The following LINGO2 variants were observed in gnomAD, a reference collection of about 807,000 sequenced individuals.
LINGO2 encodes leucine rich repeat and Ig domain containing 2.
LINGO2 carries 14 observed loss-of-function variants against 30.6 expected under a neutral mutation model. The observed-to-expected ratio is 0.46, with a 90% CI of 0.30 to 0.72. LINGO2 has a LOEUF of 0.72. LINGO2 is among the 30% of genes least tolerant of loss of function. The pLI is 0.07. For missense variants in LINGO2, 729 were observed against 751.7 expected, an observed-to-expected ratio of 0.97 and a Z score of 0.35; for synonymous variants, 317 against 288.5, an observed-to-expected ratio of 1.10 and a Z score of -1.00.
At chr9:28,406,308 C>A (rs984576233) in intron 2 of LINGO2, among the ~76,000 whole-genome samples, 1 of 132,624 alleles carries the variant, frequency 7.5e-6, no homozygotes, top group Non-Finnish European at 1.6e-5. Context: ...TGGTGGTGTA[C>A]GCCTGTAGTT....
At chr9:28,053,499 T>C (rs1824773321) in intron 4 of LINGO2, among the ~76,000 whole-genome samples, 1 of 152,118 alleles carries the variant, frequency 6.6e-6, no homozygotes, top group Non-Finnish European at 1.5e-5. Flanking sequence ...AGAAACTGAA[T>C]CTGAAGCCTT....
chr9:29,004,073 A>G, the LINGO2 span, among the ~76,000 whole-genome samples: 147 of 152,112 alleles, frequency 9.7e-4, no homozygotes, highest in African/African-American at 3.3e-3. Context: ...TTCCTCTTCA[A>G]GTACTGCCTA....
chr9:27,992,545 A>G lies in LINGO2; in HGVS notation c.-36+19810T>C, dbSNP rs1381917719. On this transcript the variant is annotated intron_variant, in intron 5 of 5. Coordinates refer to ENST00000379992, the Ensembl canonical transcript of LINGO2. The stretch of plus-strand genomic sequence containing the variant: ...GTTATGTAATGCAGTAAATGTTATA[A>G]TGAAGGCGAGACTAGGATGCTGCGG... Among the ~76,000 whole-genome samples, 9 of 152,262 alleles carry G rather than the reference A, an allele frequency of 5.9e-5. 1 individual carries two copies. In the East Asian group the frequency reaches 1.7e-3, roughly 29 times the overall value.
chr9:29,212,067 G>A, the LINGO2 span, among the ~76,000 whole-genome samples: 2 of 152,134 alleles, frequency 1.3e-5, no homozygotes. Context: ...CGAAAGGAGA[G>A]TGGAGGAGAA....
the LINGO2 span, among the ~76,000 whole-genome samples, chr9:29,125,197 C>T: frequency 6.6e-6 from 1 of 151,910 alleles, no homozygotes; most frequent in African/African-American, 2.4e-5. Context: ...ACTCATAAGT[C>T]GGAGCTGAAC....
chr9:28,752,958 T>C, the LINGO2 span, among the ~76,000 whole-genome samples: 3 of 152,168 alleles, frequency 2.0e-5, no homozygotes, highest in South Asian at 2.1e-4. Context: ...GTGTCTGGCA[T>C]ACAGTAGGTA....
intron 2 of LINGO2, among the ~76,000 whole-genome samples, chr9:28,419,238 A>C (rs371616723): frequency 6.6e-6 from 1 of 152,122 alleles, no homozygotes; most frequent in Non-Finnish European, 1.5e-5. Context: ...TATAAAAGCT[A>C]TTTGATCTTC....
At chr9:29,197,984 T>C in the LINGO2 span, among the ~76,000 whole-genome samples, 5 of 152,148 alleles carry the variant, frequency 3.3e-5, no homozygotes, top group South Asian at 2.1e-4. Flanking sequence ...TAGTACCATA[T>C]TGATTTTAAG....
At chr9:28,483,191 TATTATCATCA>T in intron 1 of LINGO2, among the ~76,000 whole-genome samples, 1 of 152,242 alleles carries the variant, frequency 6.6e-6, no homozygotes, top group East Asian at 1.9e-4. Flanking sequence ...TCCTTAACTC[TATTATCATCA>T]TTTGTCTAGC....
chr9:28,124,926 G>A (rs1190309341), intron 4 of LINGO2, among the ~76,000 whole-genome samples: 1 of 152,198 alleles, frequency 6.6e-6, no homozygotes, highest in Non-Finnish European at 1.5e-5. Flanking sequence ...ATAATGACAT[G>A]TGCCATAAAA....
the LINGO2 span, chr9:27,940,515 C>T: frequency 6.6e-6 from 1 of 152,160 alleles, no homozygotes; most frequent in African/African-American, 2.4e-5. Flanking sequence ...CCACATTAAT[C>T]TTCATGTCCT....
chr9:28,938,737 T>C, the LINGO2 span, among the ~76,000 whole-genome samples: 1 of 152,220 alleles, frequency 6.6e-6, no homozygotes, highest in African/African-American at 2.4e-5. Context: ...TAGGTTTGTG[T>C]AAATCTACTC....
chr9:29,138,663 G>C, the LINGO2 span, among the ~76,000 whole-genome samples: 1 of 152,078 alleles, frequency 6.6e-6, no homozygotes, highest in Non-Finnish European at 1.5e-5. Flanking sequence ...AACTTTCTCA[G>C]GTATGGTACG....
In LINGO2 at chr9:28,064,120, T is replaced by C. The variant is rs570343707; in HGVS notation, c.-86-51715A>G. ...AAAACAAGAGGGAAAGAACTGGTGA[T>C]AACAGGTCAGCCCCCGTTAGCAGCA... On this transcript the variant is annotated intron_variant, in intron 4 of 5. Transcript: ENST00000379992. 2.6e-5 allele frequency among the ~76,000 whole-genome samples: 4 copies of C among 152,242 alleles called. No individual in the cohort carries two copies. In the South Asian group the frequency reaches 8.3e-4, roughly 32 times the overall value.
At chr9:28,437,274 C>T (rs757751805) in intron 2 of LINGO2, among the ~76,000 whole-genome samples, 5 of 152,130 alleles carry the variant, frequency 3.3e-5, no homozygotes, top group Non-Finnish European at 7.4e-5. Context: ...CTTTGTACTT[C>T]GTAACTCTAG....
intron 1 of LINGO2, among the ~76,000 whole-genome samples, chr9:28,643,915 G>A (rs1213171026): frequency 6.6e-6 from 1 of 151,790 alleles, no homozygotes; most frequent in Non-Finnish European, 1.5e-5. Context: ...CATATAAATG[G>A]CAAATAGGCA....
intron 3 of LINGO2, among the ~76,000 whole-genome samples, chr9:28,362,214 A>ATGTG (rs10631893): frequency 5.2e-4 from 79 of 151,108 alleles, no homozygotes; most frequent in East Asian, 1.8e-3. Context: ...TTGTGTGTGT[A>ATGTG]TGTGTGTGTG....
the LINGO2 span, among the ~76,000 whole-genome samples, chr9:29,058,008 T>A: frequency 1.1e-4 from 16 of 152,052 alleles, no homozygotes; most frequent in South Asian, 6.2e-4. Context: ...TACGCAGAAA[T>A]ACAACAGCAT....
intron 5 of LINGO2, among the ~76,000 whole-genome samples, chr9:27,960,998 T>C (rs1819816441): frequency 6.6e-6 from 1 of 152,210 alleles, no homozygotes. Context: ...TTATAATTTT[T>C]CAACTTTACA....
Sources: gnomAD v4.1 joint callset for allele counts (sites outside exome capture counted in the v4.1 genomes callset) on GRCh38, gnomAD v4.1.1 for gene constraint, MANE v1.5 for transcripts, NCBI Gene and HGNC (gene_info 2026-07-23, HGNC 2026-07-21) for gene names.